Variants in RERG observed in about 807,000 individuals in gnomAD.
The protein encoded by RERG is RAS like estrogen regulated growth inhibitor.
A neutral mutation model predicts 23.2 loss-of-function variants in RERG; 25 were observed. That is an observed-to-expected ratio of 1.08 (90% CI 0.79 to 1.50). The LOEUF (loss-of-function observed/expected upper bound fraction) is 1.50, where lower values mean the gene tolerates loss of function less well. RERG is among the 40% of genes most tolerant of loss of function. The pLI is 0.00. For missense variants in RERG, 253 were observed against 250.1 expected (o/e 1.01, Z -0.08); for synonymous variants, 81 against 89.1 (o/e 0.91, Z 0.51).
chr12:15,196,781 A>T (rs1865150751), intron 2 of RERG, among the ~76,000 whole-genome samples: 1 of 152,158 alleles, frequency 6.6e-6, no homozygotes, highest in African/African-American at 2.4e-5. Flanking sequence ...TGTACTAGAG[A>T]GGAAAGGCTA....
chr12:15,220,444 G>A lies in RERG; in HGVS notation c.-115+751C>T, dbSNP rs142301085. Among the ~76,000 whole-genome samples, 45 of 152,118 alleles carry A rather than the reference G, an allele frequency of 3.0e-4. No individual in the cohort carries two copies. In the East Asian group the frequency reaches 7.5e-3, roughly 26 times the overall value. On this transcript the variant is annotated intron_variant, in intron 1 of 4. Coordinates refer to ENST00000256953, the MANE Select transcript of RERG (RefSeq NM_032918.3). ...TCATTGATTTATTCCACACTTTCAC[G>A]CTATGCACATACAAATAAAAGTAGT...
chr12:15,190,093 A>G (rs1865048637), intron 2 of RERG, among the ~76,000 whole-genome samples: 1 of 152,162 alleles, frequency 6.6e-6, no homozygotes, highest in Non-Finnish European at 1.5e-5. Flanking sequence ...ATTCTGTAAG[A>G]ATTAAAGTAG....
At chr12:15,210,465 C>T (rs1476601463) in intron 2 of RERG, among the ~76,000 whole-genome samples, 2 of 151,826 alleles carry the variant, frequency 1.3e-5, no homozygotes, top group Non-Finnish European at 2.9e-5. Context: ...AGTATTGTTT[C>T]CCCCCCAATC....
chr12:15,172,078 T>C (rs1864785141), intron 2 of RERG, among the ~76,000 whole-genome samples: 2 of 152,122 alleles, frequency 1.3e-5, no homozygotes, highest in South Asian at 4.1e-4. Context: ...CACAGTCTAA[T>C]TTTAGAATAT....
intron 2 of RERG, among the ~76,000 whole-genome samples, chr12:15,174,142 T>C (rs1864813601): frequency 6.6e-6 from 1 of 152,098 alleles, no homozygotes; most frequent in Non-Finnish European, 1.5e-5. Flanking sequence ...GTTTGTCTGG[T>C]AGTGTTTAAT....
At chr12:15,136,576 C>CA (rs1474942235) in intron 2 of RERG, among the ~76,000 whole-genome samples, 2 of 151,944 alleles carry the variant, frequency 1.3e-5, no homozygotes, top group African/African-American at 4.8e-5. Flanking sequence ...TGCTGTATGA[C>CA]ACAAATTTTG....
At chr12:15,127,455 C>T (rs940269361) in intron 2 of RERG, among the ~76,000 whole-genome samples, 4 of 152,090 alleles carry the variant, frequency 2.6e-5, no homozygotes, top group Admixed American at 2.6e-4. Context: ...CTTCTCTGGT[C>T]GGATGCCAGT....
intron 3 of RERG, among the ~76,000 whole-genome samples, chr12:15,116,132 C>T (rs903839821): frequency 6.6e-6 from 1 of 152,194 alleles, no homozygotes; most frequent in Non-Finnish European, 1.5e-5. Context: ...TTACAGCAGC[C>T]ACTTGTCTCC....
At chr12:15,197,258 A>G (rs1865157675) in intron 2 of RERG, among the ~76,000 whole-genome samples, 1 of 152,202 alleles carries the variant, frequency 6.6e-6, no homozygotes, top group Non-Finnish European at 1.5e-5. Context: ...TATTATAGTT[A>G]GCAGGCATCA....
intron 1 of RERG, among the ~76,000 whole-genome samples, chr12:15,220,138 CTGA>C (rs888001823): frequency 6.6e-6 from 1 of 152,144 alleles, no homozygotes; most frequent in Non-Finnish European, 1.5e-5. Context: ...TGCCAAGTTT[CTGA>C]TGTTCCAAAT....
At chr12:15,150,025 T>C (rs1864411337) in intron 2 of RERG, among the ~76,000 whole-genome samples, 1 of 152,158 alleles carries the variant, frequency 6.6e-6, no homozygotes, top group South Asian at 2.1e-4. Flanking sequence ...CCTACTATGC[T>C]ACTTTGGTCT....
intron 4 of RERG, chr12:15,110,924 A>AATATACAATATATATAATATACAAT (rs1863602778): frequency 6.5e-6 from 1 of 154,150 alleles, no homozygotes; most frequent in African/African-American, 2.4e-5. Flanking sequence ...GTGAGTTTAG[A>AATATACAATATATATAATATACAAT]ATACAATATA....
At chr12:15,184,805 G>C (rs1326105449) in intron 2 of RERG, among the ~76,000 whole-genome samples, 1 of 152,154 alleles carries the variant, frequency 6.6e-6, no homozygotes, top group Non-Finnish European at 1.5e-5. Context: ...AGTCCTTTCA[G>C]AATCTGAACT....
At chr12:15,159,561 C>G (rs1450199258) in intron 2 of RERG, among the ~76,000 whole-genome samples, 1 of 152,176 alleles carries the variant, frequency 6.6e-6, no homozygotes, top group Admixed American at 6.5e-5. Flanking sequence ...CGGTGGCTCA[C>G]GCCTGTAATC....
At chr12:15,202,535 A>C (rs1865232274) in intron 2 of RERG, among the ~76,000 whole-genome samples, 1 of 151,820 alleles carries the variant, frequency 6.6e-6, no homozygotes, top group African/African-American at 2.4e-5. Context: ...ATATAAGAGG[A>C]ATCATGAAGT....
chr12:15,137,645 G>T (rs553474972), intron 2 of RERG, among the ~76,000 whole-genome samples: 1 of 151,810 alleles, frequency 6.6e-6, no homozygotes, highest in East Asian at 1.9e-4. Flanking sequence ...CCAGTTTATG[G>T]GTAGAGTAAT....
intron 2 of RERG, among the ~76,000 whole-genome samples, chr12:15,173,579 T>C (rs1194004279): frequency 2.0e-5 from 3 of 152,046 alleles, no homozygotes; most frequent in African/African-American, 7.2e-5. Flanking sequence ...CATCTTGTCA[T>C]CTTAACAATA....
intron 3 of RERG, among the ~76,000 whole-genome samples, chr12:15,119,320 A>G (rs7976743): frequency 0.67 from 101,088 of 151,978 alleles, 33,726 homozygotes; most frequent in Admixed American, 0.74. Flanking sequence ...AAAACAAAAG[A>G]GAAAATGGTT....
chr12:15,168,026 C>T (rs150938708), intron 2 of RERG, among the ~76,000 whole-genome samples: 2 of 152,298 alleles, frequency 1.3e-5, no homozygotes, highest in South Asian at 2.1e-4. Flanking sequence ...ATGATTGCCT[C>T]TCATCTAATT....
Sources: allele counts gnomAD v4.1 joint callset (sites outside exome capture counted in the v4.1 genomes callset), GRCh38; gene constraint gnomAD v4.1.1; transcripts MANE v1.5; gene names NCBI Gene and HGNC (gene_info 2026-07-23, HGNC 2026-07-21).